The following IL10RB variants were observed in gnomAD, a reference collection of about 807,000 sequenced individuals.
IL10RB encodes the protein interleukin-10 receptor subunit beta.
A neutral mutation model predicts 38.7 loss-of-function variants in IL10RB; 30 were observed. The ratio of observed to expected loss-of-function variants is 0.78; its 90% confidence interval spans 0.58 to 1.05. The LOEUF is 1.05. Ranked by LOEUF, IL10RB falls within the 50% of genes least tolerant of loss-of-function variation. The pLI is 0.00. For missense variants in IL10RB, 328 were observed against 397.1 expected (o/e 0.83, Z 1.48); for synonymous variants, 142 against 145.9 (o/e 0.97, Z 0.19).
downstream of IL10RB, among the ~76,000 whole-genome samples, chr21:33,297,612 G>A (rs1681121050): frequency 6.6e-6 from 1 of 152,074 alleles, no homozygotes; most frequent in Admixed American, 6.6e-5. Flanking sequence ...GGGCCCAGGA[G>A]TTGAGACCAT....
At position 33,287,995 on chromosome 21, in the gene IL10RB, A is replaced by C. The variant is rs1034285564; in HGVS notation, c.647-109A>C. On this transcript the variant is annotated intron_variant, in intron 5 of 6. Transcript: ENST00000290200. ...GTTGCTGTTTCTGAGACGTCCCCCAAGATAAACGTACAGGCTCTGTTTTCA... is the reference window on the plus strand; with the variant it reads ...GTTGCTGTTTCTGAGACGTCCCCCACGATAAACGTACAGGCTCTGTTTTCA... The C allele has an allele frequency of 1.2e-5, 13 of 1,075,584 alleles. No individual in the cohort carries two copies. The South Asian group carries it at 1.5e-4, about 12-fold the overall frequency. 66.6% of individuals were successfully genotyped at this position (1,075,584 alleles called of 1,614,324 possible).
At chr21:33,307,601 C>T (rs1378247540) in intron 1 of IL10RB, among the ~76,000 whole-genome samples, 5 of 152,172 alleles carry the variant, frequency 3.3e-5, no homozygotes, top group Non-Finnish European at 7.3e-5. Flanking sequence ...GGCCCTTTCA[C>T]GGAACAGCCT....
At chr21:33,269,681 C>T (rs890721934) in intron 2 of IL10RB, among the ~76,000 whole-genome samples, 2 of 136,918 alleles carry the variant, frequency 1.5e-5, no homozygotes, top group African/African-American at 2.8e-5. Flanking sequence ...TTTTATGAGA[C>T]GGAGTCTCGC....
Position 33,276,596 on chromosome 21 carries a change from T to TCC in IL10RB, c.174_175insCC (p.Tyr59ProfsTer10). On this transcript the variant is annotated frameshift_variant and splice_region_variant, in exon 3 of 7. Coordinates refer to ENST00000290200, the MANE Select transcript of IL10RB (RefSeq NM_000628.5). LOFTEE classifies it high-confidence loss of function. ...TTGACCTATCTTTTTGATTGTGTAG[T>TCC]TATAGGATATTCCAAGATAAATGCA... The TCC allele has an allele frequency of 6.2e-7, 1 of 1,612,366 alleles. No homozygotes were observed. The highest frequency in any genetic ancestry group is 8.5e-7 in the Non-Finnish European group (1 of 1,178,410).
chr21:33,274,075 GT>G (rs774753243), intron 2 of IL10RB, among the ~76,000 whole-genome samples: 4 of 152,164 alleles, frequency 2.6e-5, no homozygotes, highest in Non-Finnish European at 4.4e-5. Flanking sequence ...ATTTTGAATG[GT>G]GAATCCTTTC....
At chr21:33,305,744 C>G (rs1045239908) in intron 1 of IL10RB, among the ~76,000 whole-genome samples, 1 of 152,162 alleles carries the variant, frequency 6.6e-6, no homozygotes, top group Non-Finnish European at 1.5e-5. Flanking sequence ...TCATTGTCCC[C>G]CACCCTCTGA....
At position 33,288,199 on chromosome 21, in the gene IL10RB, G is replaced by A. The variant is rs777216483; in HGVS notation, c.742G>A (p.Val248Ile). 151 of 1,613,880 alleles carry A rather than the reference G, an allele frequency of 9.4e-5. 1 individual carries two copies. The highest frequency in any genetic ancestry group is 8.0e-4 in the South Asian group (73 of 91,084). ...CGGCTGCTTCGCCTTGCTGTGGTGC[G>A]TTTACAAGAAGACAAAGTACGCCTT... is the stretch of plus-strand genomic sequence containing the variant. ...LLGCFALLWCVYKKTKYAFSP... is the reference protein window; with the variant it reads ...LLGCFALLWCIYKKTKYAFSP... The change falls in exon 6 of 7, where the codon GTT becomes ATT. Residue 248 changes from valine (V) to isoleucine (I), a missense_variant. Transcript: ENST00000290200.
intron 1 of IL10RB, 85 bp downstream of exon 1, chr21:33,266,599 G>A: frequency 2.2e-6 from 3 of 1,393,128 alleles, no homozygotes; most frequent in Non-Finnish European, 3.0e-6. Flanking sequence ...TGGGCGCCCT[G>A]CAAGTGACTT....
intron 6 of IL10RB, among the ~76,000 whole-genome samples, chr21:33,291,256 T>G (rs1010247247): frequency 1.0e-4 from 15 of 148,274 alleles, no homozygotes; most frequent in African/African-American, 3.5e-4. Flanking sequence ...GTAGAGGGAT[T>G]AGGACATATG....
chr21:33,281,002 G>C (rs192484930), intron 4 of IL10RB, among the ~76,000 whole-genome samples: 1 of 152,300 alleles, frequency 6.6e-6, no homozygotes, highest in African/African-American at 2.4e-5. Flanking sequence ...AGTTCTGCAG[G>C]CTGGGAAGTC....
At chr21:33,277,671 T>TC (rs1190081335) in intron 3 of IL10RB, among the ~76,000 whole-genome samples, 24 of 135,390 alleles carry the variant, frequency 1.8e-4, no homozygotes, top group African/African-American at 4.7e-4. Flanking sequence ...TTTCTTTCTT[T>TC]TTTTTTTTTT....
intron 5 of IL10RB, among the ~76,000 whole-genome samples, chr21:33,287,357 C>T (rs115049640): frequency 7.8e-6 from 1 of 127,772 alleles, no homozygotes; most frequent in Middle Eastern, 4.3e-3. Context: ...TTTGTTTTGG[C>T]TTTGGTTTTG....
At chr21:33,307,646 G>A (rs746167581) in intron 1 of IL10RB, among the ~76,000 whole-genome samples, 16 of 152,230 alleles carry the variant, frequency 1.1e-4, no homozygotes, top group East Asian at 1.9e-4. Context: ...CTCAGAGCCC[G>A]TGCATATGCT....
intron 1 of IL10RB, among the ~76,000 whole-genome samples, chr21:33,304,660 T>A (rs2082994701): frequency 6.6e-6 from 1 of 152,150 alleles, no homozygotes. Flanking sequence ...GTTCCCCAGC[T>A]CCCAAGTATA....
At chr21:33,276,802 G>GTTT (rs1238222757) in intron 3 of IL10RB, 49 bp downstream of exon 3, 7 of 1,550,982 alleles carry the variant, frequency 4.5e-6, no homozygotes, top group Non-Finnish European at 6.2e-6. Flanking sequence ...ATCTTGCCTT[G>GTTT]TTTTTTTCCA....
chr21:33,301,692 G>A (rs187687685), downstream of IL10RB, among the ~76,000 whole-genome samples: 58 of 152,346 alleles, frequency 3.8e-4, no homozygotes, highest in Admixed American at 3.2e-3. Context: ...CTATGTGCAG[G>A]TCTTGTTCTA....
intron 1 of IL10RB, among the ~76,000 whole-genome samples, chr21:33,303,804 G>A (rs1012729308): frequency 6.6e-6 from 1 of 152,232 alleles, no homozygotes; most frequent in African/African-American, 2.4e-5. Flanking sequence ...CCTTTGGCAG[G>A]AGGAGGGATA....
intron 1 of IL10RB, among the ~76,000 whole-genome samples, chr21:33,304,955 C>T (rs1325507149): frequency 6.6e-6 from 1 of 152,128 alleles, no homozygotes; most frequent in Non-Finnish European, 1.5e-5. Flanking sequence ...ACAAAAAAAG[C>T]AAAACTGGCT....
At chr21:33,299,837 T>C (rs1466739379), downstream of IL10RB, among the ~76,000 whole-genome samples, 1 of 152,252 alleles carries the variant, frequency 6.6e-6, no homozygotes, top group African/African-American at 2.4e-5. Flanking sequence ...TGAAAGGACG[T>C]GCTTACCTGC....
Sources: gnomAD v4.1 joint callset for allele counts (sites outside exome capture counted in the v4.1 genomes callset) on GRCh38, gnomAD v4.1.1 for gene constraint, MANE v1.5 for transcripts, NCBI Gene and HGNC (gene_info 2026-07-23, HGNC 2026-07-21) for gene names.